Variants in USH2A observed in about 807,000 individuals in gnomAD.
The protein encoded by USH2A is Usher syndrome 2A (autosomal recessive, mild).
Under a neutral mutation model 538.9 loss-of-function variants are expected in USH2A, and 443 were observed. The observed-to-expected ratio is 0.82, with a 90% CI of 0.76 to 0.89. The LOEUF is 0.89. Among genes scored for constraint, USH2A ranks in the 40% least tolerant of loss-of-function variants. USH2A has a pLI of 0.00. For synonymous variants in USH2A, 2,413 were observed against 2,273.5 expected, an observed-to-expected ratio of 1.06 and a Z score of -1.75; for missense variants, 6,633 against 6,324.8, an observed-to-expected ratio of 1.05 and a Z score of -1.65.
chr1:216,044,163 A>T (rs1175802960), intron 32 of USH2A, among the ~76,000 whole-genome samples: 1 of 152,142 alleles, frequency 6.6e-6, no homozygotes, highest in Non-Finnish European at 1.5e-5. Flanking sequence ...CCTATTCAAG[A>T]TGACACAAAC....
chr1:216,285,385 A>G (rs927631068), intron 11 of USH2A, among the ~76,000 whole-genome samples: 20 of 152,368 alleles, frequency 1.3e-4, no homozygotes, highest in African/African-American at 4.8e-4. Flanking sequence ...TTGGGCCTGC[A>G]GGTGTGCAGA....
intron 58 of USH2A, among the ~76,000 whole-genome samples, chr1:215,750,236 C>T (rs940473356): frequency 6.6e-6 from 1 of 152,106 alleles, no homozygotes; most frequent in Non-Finnish European, 1.5e-5. Flanking sequence ...TTTGGGGGAA[C>T]AGAAGTAAAA....
chr1:216,122,112 T>C (rs1402593295), intron 21 of USH2A, among the ~76,000 whole-genome samples: 1 of 152,178 alleles, frequency 6.6e-6, no homozygotes, highest in African/African-American at 2.4e-5. Flanking sequence ...CTACATAAAG[T>C]CTGCAATATA....
intron 13 of USH2A, among the ~76,000 whole-genome samples, chr1:216,243,960 T>A (rs1339620779): frequency 1.3e-5 from 2 of 152,192 alleles, no homozygotes; most frequent in African/African-American, 4.8e-5. Flanking sequence ...CAAGGTCATA[T>A]AATAAATTGA....
rs1656930672 is a variant in USH2A at position 215,648,428 on chromosome 1, T to C, written c.14582+100A>G. On this transcript the variant is annotated intron_variant, in intron 66 of 71. Coordinates refer to ENST00000307340, the MANE Select transcript of USH2A (RefSeq NM_206933.4). ...CTCCCTGGGGAGTGCCAGGTAGCTATACAGGTTTGTAGCCTAGGTGCAGAG... is the reference window on the plus strand; with the variant it reads ...CTCCCTGGGGAGTGCCAGGTAGCTACACAGGTTTGTAGCCTAGGTGCAGAG... 19 of 1,257,314 alleles carry C rather than the reference T, an allele frequency of 1.5e-5. 1 individual carries two copies. In the South Asian group the frequency reaches 2.3e-4, roughly 15 times the overall value. The allele number at this position is 1,257,314 out of a possible 1,614,324, so 77.9% of individuals were successfully genotyped here. A position where few individuals can be genotyped will look rare whatever the true frequency, so the allele number is the denominator to read the frequency against.
intron 52 of USH2A, 113 bp downstream of exon 52, chr1:215,786,557 A>G: frequency 8.7e-7 from 1 of 1,145,674 alleles, no homozygotes; most frequent in Non-Finnish European, 1.3e-6. Context: ...GTATGATGGA[A>G]TGTACTGATA....
intron 50 of USH2A, among the ~76,000 whole-genome samples, chr1:215,794,569 T>C (rs1662073314): frequency 6.6e-6 from 1 of 152,174 alleles, no homozygotes; most frequent in Non-Finnish European, 1.5e-5. Flanking sequence ...GAAAAATACA[T>C]GTGGAATCTG....
At chr1:216,306,931 A>C (rs1448767879) in intron 9 of USH2A, among the ~76,000 whole-genome samples, 1 of 152,134 alleles carries the variant, frequency 6.6e-6, no homozygotes, top group Admixed American at 6.5e-5. Flanking sequence ...TCTGGTGGAG[A>C]TAGCAGGGGA....
In USH2A at chr1:216,074,134, T is replaced by C. The variant is rs1558244152; in HGVS notation, c.5573-834A>G. On this transcript the variant is annotated intron_variant, in intron 27 of 71. Coordinates refer to ENST00000307340, the MANE Select transcript of USH2A (RefSeq NM_206933.4). ...ATGCGGATGAAATGAATTTAGAGTA[T>C]TCACCACTTTTTTGTTAGACAGCAA... 1.3e-5 allele frequency among the ~76,000 whole-genome samples: 2 copies of C among 152,210 alleles called. No individual in the cohort carries two copies. Among genetic ancestry groups the C allele is most frequent in the Admixed American group, 6.5e-5 (1 of 15,280 alleles).
chr1:216,401,138 A>G (rs760009611), intron 3 of USH2A, among the ~76,000 whole-genome samples: 2 of 152,126 alleles, frequency 1.3e-5, no homozygotes, highest in Non-Finnish European at 2.9e-5. Context: ...GGAAACACTT[A>G]AGACAATTAT....
intron 13 of USH2A, among the ~76,000 whole-genome samples, chr1:216,234,228 T>A (rs1482655525): frequency 6.6e-6 from 1 of 152,166 alleles, no homozygotes; most frequent in Non-Finnish European, 1.5e-5. Flanking sequence ...GTTTTTTTCC[T>A]TCCCCTAGAT....
At chr1:215,681,495 T>C (rs369735187) in intron 61 of USH2A, among the ~76,000 whole-genome samples, 4 of 152,200 alleles carry the variant, frequency 2.6e-5, no homozygotes, top group African/African-American at 9.6e-5. Flanking sequence ...GGTCTTCAAT[T>C]GTCTTCTTTC....
chr1:216,316,539 C>T lies in USH2A; in HGVS notation c.1644+5344G>A, dbSNP rs553367002. On this transcript the variant is annotated intron_variant, in intron 9 of 71. Coordinates refer to ENST00000307340, the MANE Select transcript of USH2A (RefSeq NM_206933.4). ...TGTTGTAGCAAGCCCAAGAGTGATA[C>T]TGTTGTAAATGTGGTAAATGTCACC... 2.0e-5 allele frequency among the ~76,000 whole-genome samples: 3 copies of T among 152,204 alleles called. No individual in the cohort carries two copies. In the East Asian group the frequency reaches 5.8e-4, roughly 29 times the overall value.
intron 44 of USH2A, among the ~76,000 whole-genome samples, chr1:215,853,436 A>G (rs1023745415): frequency 6.6e-6 from 1 of 152,166 alleles, no homozygotes; most frequent in African/African-American, 2.4e-5. Flanking sequence ...AAGACCTCTG[A>G]CATGCCCTGG....
intron 13 of USH2A, among the ~76,000 whole-genome samples, chr1:216,232,919 A>G (rs1052492903): frequency 8.5e-5 from 13 of 152,218 alleles, no homozygotes; most frequent in African/African-American, 3.1e-4. Context: ...AAGATTGAGA[A>G]GGTTAACACA....
At chr1:216,002,256 C>A (rs1443182450) in intron 32 of USH2A, among the ~76,000 whole-genome samples, 1 of 152,010 alleles carries the variant, frequency 6.6e-6, no homozygotes, top group Non-Finnish European at 1.5e-5. Flanking sequence ...AAACTCCTAC[C>A]GACAGGGCCA....
chr1:216,086,942 A>G (rs934876152), intron 23 of USH2A, 122 bp from the exon 24 acceptor site: 1 of 734,260 alleles, frequency 1.4e-6, no homozygotes, highest in Non-Finnish European at 2.4e-6. Flanking sequence ...CTCTCTCCTC[A>G]TTGCCTGTTC....
intron 48 of USH2A, among the ~76,000 whole-genome samples, 169 bp downstream of exon 48, chr1:215,816,828 C>T (rs903264030): frequency 6.6e-6 from 1 of 152,026 alleles, no homozygotes; most frequent in African/African-American, 2.4e-5. Flanking sequence ...CTAAAGTGCT[C>T]ATGAGGGTGA....
chr1:216,050,560 T>TTTCTTTCTCTCTTTCTTTCTTTC, intron 30 of USH2A, among the ~76,000 whole-genome samples: 1 of 35,694 alleles, frequency 2.8e-5, no homozygotes, highest in African/African-American at 7.4e-5. Context: ...ATTTGTATCT[T>TTTCTTTCTCTCTTTCTTTCTTTC]TTTCTTTCTT....
Sources: allele counts gnomAD v4.1 joint callset (sites outside exome capture counted in the v4.1 genomes callset), GRCh38; gene constraint gnomAD v4.1.1; transcripts MANE v1.5; gene names NCBI Gene and HGNC (gene_info 2026-07-23, HGNC 2026-07-21).